Variants in ANK2 observed in about 807,000 individuals in gnomAD.
ANK2 encodes the protein ankyrin 2, also known as ankyrin-2.
Under a neutral mutation model 360.5 loss-of-function variants are expected in ANK2, and 83 were observed. That is an observed-to-expected ratio of 0.23 (90% CI 0.19 to 0.28). The LOEUF (loss-of-function observed/expected upper bound fraction) is 0.28. ANK2 is among the 10% of genes least tolerant of loss of function. The pLI is 1.00. For synonymous variants in ANK2, 1,740 were observed against 1,759.5 expected (o/e 0.99, Z 0.28); for missense variants, 4,201 against 4,795.7 (o/e 0.88, Z 3.66).
chr4:112,826,438 A>T, intron 1 of ANK2: 1 of 1,055,538 alleles, frequency 9.5e-7, no homozygotes, highest in East Asian at 2.4e-5. Context: ...ACTTTTGAAG[A>T]ATCTTCAGGT....
intron 1 of ANK2, among the ~76,000 whole-genome samples, chr4:113,106,668 G>A (rs2093664367): frequency 6.6e-6 from 1 of 152,154 alleles, no homozygotes; most frequent in African/African-American, 2.4e-5. Flanking sequence ...CCGTGTGGTT[G>A]TATGTGTTGT....
At chr4:112,707,339 C>T in the ANK2 span, among the ~76,000 whole-genome samples, 3 of 152,294 alleles carry the variant, frequency 2.0e-5, no homozygotes, top group African/African-American at 7.2e-5. Flanking sequence ...ATATTAGGGA[C>T]AACCTTTGTT....
At chr4:112,710,753 AT>A in the ANK2 span, among the ~76,000 whole-genome samples, 61 of 151,798 alleles carry the variant, frequency 4.0e-4, no homozygotes, top group African/African-American at 1.3e-3. Flanking sequence ...CTAAAAGAAC[AT>A]TTTTCCAGCA....
intron 45 of ANK2, among the ~76,000 whole-genome samples, chr4:113,379,191 C>G (rs2097079568): frequency 6.6e-6 from 1 of 152,162 alleles, no homozygotes. Flanking sequence ...CTTTTATACT[C>G]TCAACTTTTA....
Position 113,162,807 on chromosome 4 carries a change from A to G in ANK2, c.85-11609A>G, listed in dbSNP as rs192528692. Among the ~76,000 whole-genome samples the G allele has an allele frequency of 1.9e-3, 283 of 149,588 alleles. 2 individuals carry two copies. Among genetic ancestry groups the G allele is most frequent in the Middle Eastern group, 6.9e-3 (2 of 290 alleles). On this transcript the variant is annotated intron_variant, in intron 1 of 45. Transcript: ENST00000357077. ...GATGAATCATGTTTATTTCTTCTACATTCAATCCCTAGCATCTAACACAGC... is the reference window on the plus strand; with the variant it reads ...GATGAATCATGTTTATTTCTTCTACGTTCAATCCCTAGCATCTAACACAGC...
chr4:112,870,579 A>G (rs1219722108), intron 1 of ANK2, among the ~76,000 whole-genome samples: 1 of 152,184 alleles, frequency 6.6e-6, no homozygotes, highest in Non-Finnish European at 1.5e-5. Flanking sequence ...TACCCAGTGA[A>G]TGCTCTTGAA....
At chr4:113,151,058 T>C (rs1293104181) in intron 1 of ANK2, 3 of 1,283,372 alleles carry the variant, frequency 2.3e-6, no homozygotes, top group Non-Finnish European at 2.0e-6. Context: ...CAAATCTATT[T>C]ATGGGAATTT....
Position 113,355,656 on chromosome 4 carries a change from G to A in ANK2, c.7038G>A (p.Glu2346=), listed in dbSNP as rs1367475634. ...AKETPTGLTE[E]AACDEGQRTF... ...AGACACCTACAGGACTGACTGAGGA[G>A]GCAGCCTGTGATGAAGGTCAACGTA... Residue 2346 remains glutamate, a synonymous_variant, in exon 38 of 46, where the codon GAG becomes GAA. Transcript: ENST00000357077. The A allele has an allele frequency of 1.9e-6, 3 of 1,614,104 alleles. No individual in the cohort carries two copies. The highest frequency in any genetic ancestry group is 3.3e-5 in the Admixed American group (2 of 60,014).
chr4:113,146,386 C>T (rs1248875028), intron 1 of ANK2, among the ~76,000 whole-genome samples: 1 of 152,122 alleles, frequency 6.6e-6, no homozygotes, highest in East Asian at 1.9e-4. Flanking sequence ...ATGTATAGTT[C>T]GTTTCTCACT....
chr4:113,323,784 GACA>G, intron 26 of ANK2: 3 of 1,611,690 alleles, frequency 1.9e-6, no homozygotes, highest in Non-Finnish European at 2.5e-6. Context: ...TCTTGAACGT[GACA>G]ACAGCAGGTG....
chr4:112,811,626 C>A, the ANK2 span, among the ~76,000 whole-genome samples: 1 of 152,108 alleles, frequency 6.6e-6, no homozygotes, highest in Non-Finnish European at 1.5e-5. Context: ...GTGCCTTTAT[C>A]AACCTTATAC....
intron 41 of ANK2, among the ~76,000 whole-genome samples, chr4:113,366,010 C>T (rs1174452488): frequency 2.0e-5 from 3 of 152,166 alleles, no homozygotes; most frequent in African/African-American, 7.2e-5. Context: ...CTTTTGGCTT[C>T]CTACCACTAG....
At chr4:113,021,133 T>C (rs1561567681) in intron 2 of ANK2, among the ~76,000 whole-genome samples, 2 of 152,160 alleles carry the variant, frequency 1.3e-5, no homozygotes, top group East Asian at 1.9e-4. Context: ...ATTACTGGAA[T>C]GTGAGAAGCA....
the ANK2 span, among the ~76,000 whole-genome samples, chr4:112,764,878 G>T: frequency 1.3e-5 from 2 of 151,590 alleles, no homozygotes; most frequent in South Asian, 2.1e-4. Context: ...GGCTAATTTT[G>T]TATTTTTAGT....
chr4:113,005,682 G>A (rs13124501), intron 2 of ANK2, among the ~76,000 whole-genome samples: 1 of 151,984 alleles, frequency 6.6e-6, no homozygotes, highest in Non-Finnish European at 1.5e-5. Flanking sequence ...AGTAGACTAG[G>A]GTAATATGAT....
At chr4:113,226,691 C>A (rs968888209) in intron 4 of ANK2, among the ~76,000 whole-genome samples, 1 of 151,936 alleles carries the variant, frequency 6.6e-6, no homozygotes, top group African/African-American at 2.4e-5. Context: ...GAACACAATG[C>A]CTAGCAGTGA....
intron 4 of ANK2, among the ~76,000 whole-genome samples, chr4:113,228,736 A>G (rs537486127): frequency 5.3e-5 from 8 of 152,236 alleles, no homozygotes; most frequent in African/African-American, 1.7e-4. Flanking sequence ...ATAAACCTTG[A>G]TATTCCCCTC....
At chr4:112,731,777 T>C in the ANK2 span, among the ~76,000 whole-genome samples, 2 of 152,180 alleles carry the variant, frequency 1.3e-5, no homozygotes, top group African/African-American at 4.8e-5. Flanking sequence ...CTACATGTTT[T>C]GTATGCATGT....
At chr4:113,145,634 G>C in intron 1 of ANK2, 1 of 1,107,704 alleles carries the variant, frequency 9.0e-7, no homozygotes, top group Non-Finnish European at 1.1e-6. Flanking sequence ...GGCAGCGCCT[G>C]CACTGGAAAT....
Sources: allele counts gnomAD v4.1 joint callset (sites outside exome capture counted in the v4.1 genomes callset), GRCh38; gene constraint gnomAD v4.1.1; transcripts MANE v1.5; gene names NCBI Gene and HGNC (gene_info 2026-07-23, HGNC 2026-07-21).